Variants in UNC5D observed in about 807,000 individuals in gnomAD.
UNC5D encodes the protein netrin receptor UNC5D.
UNC5D carries 39 observed loss-of-function variants against 105.4 expected under a neutral mutation model. That is an observed-to-expected ratio of 0.37 (90% CI 0.29 to 0.48). UNC5D has a LOEUF of 0.48. Ranked by LOEUF, UNC5D falls within the 20% of genes least tolerant of loss-of-function variation. The pLI is 0.98. For synonymous variants in UNC5D, 452 were observed against 450.4 expected, an observed-to-expected ratio of 1.00 and a Z score of -0.04; for missense variants, 991 against 1,202.4, an observed-to-expected ratio of 0.82 and a Z score of 2.60.
chr8:35,785,152 G>A (rs1420110653), intron 16 of UNC5D, among the ~76,000 whole-genome samples: 3 of 151,970 alleles, frequency 2.0e-5, no homozygotes, highest in African/African-American at 7.3e-5. Flanking sequence ...TTCCCTGAAT[G>A]GTGTGTGCAT....
At chr8:35,461,496 T>C (rs1808891292) in intron 1 of UNC5D, among the ~76,000 whole-genome samples, 1 of 152,106 alleles carries the variant, frequency 6.6e-6, no homozygotes, top group Admixed American at 6.6e-5. Flanking sequence ...AAAAATCCAA[T>C]ATACAGGATC....
chr8:35,342,567 C>A (rs1427345510), intron 1 of UNC5D, among the ~76,000 whole-genome samples: 2 of 152,018 alleles, frequency 1.3e-5, no homozygotes. Context: ...GCCACATCAT[C>A]ATTTACTAAG....
chr8:35,273,415 C>T (rs940387168), intron 1 of UNC5D, among the ~76,000 whole-genome samples: 3 of 152,102 alleles, frequency 2.0e-5, no homozygotes, highest in African/African-American at 7.2e-5. Flanking sequence ...TACTGAAGGT[C>T]CTTGCCCCAA....
chr8:35,659,337 C>T (rs1430240228), intron 4 of UNC5D, among the ~76,000 whole-genome samples: 1 of 152,188 alleles, frequency 6.6e-6, no homozygotes, highest in Non-Finnish European at 1.5e-5. Flanking sequence ...GTGACCTCCT[C>T]TTCTCTTAGG....
intron 4 of UNC5D, among the ~76,000 whole-genome samples, chr8:35,642,229 C>A (rs1822792614): frequency 6.6e-6 from 1 of 152,136 alleles, no homozygotes; most frequent in Admixed American, 6.6e-5. Flanking sequence ...CTGCCTGTCA[C>A]CTCATTTTAT....
intron 1 of UNC5D, among the ~76,000 whole-genome samples, chr8:35,418,644 G>A (rs748608809): frequency 1.1e-4 from 16 of 152,254 alleles, no homozygotes; most frequent in South Asian, 2.1e-4. Context: ...AAGAAAAGGC[G>A]AGAATTAATT....
At chr8:35,283,690 G>A (rs926309618) in intron 1 of UNC5D, among the ~76,000 whole-genome samples, 1 of 152,068 alleles carries the variant, frequency 6.6e-6, no homozygotes, top group African/African-American at 2.4e-5. Flanking sequence ...TGTAATCCCA[G>A]CTACTTGGGA....
At chr8:35,284,366 A>G (rs1275795005) in intron 1 of UNC5D, among the ~76,000 whole-genome samples, 1 of 152,182 alleles carries the variant, frequency 6.6e-6, no homozygotes, top group Non-Finnish European at 1.5e-5. Context: ...TGACAAAAAT[A>G]TTACCTTCTT....
intron 3 of UNC5D, among the ~76,000 whole-genome samples, chr8:35,576,847 T>C (rs766682313): frequency 5.3e-5 from 8 of 152,154 alleles, no homozygotes; most frequent in Non-Finnish European, 7.4e-5. Context: ...TCTCCTGACC[T>C]CGTGATCCTC....
intron 1 of UNC5D, among the ~76,000 whole-genome samples, chr8:35,471,588 T>C (rs1160741664): frequency 1.3e-5 from 2 of 152,238 alleles, no homozygotes; most frequent in Non-Finnish European, 2.9e-5. Flanking sequence ...CATCTAAATT[T>C]TGCTATAGTG....
chr8:35,274,219 C>T (rs1050526285), intron 1 of UNC5D, among the ~76,000 whole-genome samples: 8 of 152,038 alleles, frequency 5.3e-5, no homozygotes, highest in South Asian at 4.1e-4. Context: ...GGTGTAAAGG[C>T]GAGTTTTTAA....
intron 8 of UNC5D, among the ~76,000 whole-genome samples, chr8:35,708,042 G>A (rs1417922146): frequency 6.6e-6 from 1 of 152,140 alleles, no homozygotes; most frequent in African/African-American, 2.4e-5. Context: ...TGAAAGAGGG[G>A]CTTAATGTGA....
intron 1 of UNC5D, among the ~76,000 whole-genome samples, chr8:35,341,451 T>G (rs568955734): frequency 1.3e-5 from 2 of 151,742 alleles, no homozygotes; most frequent in Non-Finnish European, 2.9e-5. Flanking sequence ...TTTTTTTTTT[T>G]CTGTTTTTTT....
At chr8:35,362,545 A>G (rs771281406) in intron 1 of UNC5D, among the ~76,000 whole-genome samples, 1 of 152,196 alleles carries the variant, frequency 6.6e-6, no homozygotes, top group Non-Finnish European at 1.5e-5. Flanking sequence ...CATTGTGACA[A>G]TTGAAATAAT....
chr8:35,580,113 A>G (rs1818378083), intron 3 of UNC5D, among the ~76,000 whole-genome samples: 1 of 152,170 alleles, frequency 6.6e-6, no homozygotes, highest in East Asian at 1.9e-4. Flanking sequence ...AAATTATTCC[A>G]TTAAGTAGGT....
At chr8:35,293,054 A>G (rs935323430) in intron 1 of UNC5D, among the ~76,000 whole-genome samples, 5 of 152,114 alleles carry the variant, frequency 3.3e-5, no homozygotes, top group African/African-American at 1.2e-4. Context: ...TAAGGAAAAT[A>G]AAATATATTT....
At position 35,725,106 on chromosome 8, in the gene UNC5D, GAA is replaced by G. The variant is rs538530141; in HGVS notation, c.1304-1042_1304-1041del. Reference sequence around the variant, plus strand: ...GGCGTTGCTGCAAATTATGAAAATGGAAAAACAATAGAGGCTAATACAATATG... The same window carrying G: ...GGCGTTGCTGCAAATTATGAAAATGGAAACAATAGAGGCTAATACAATATG... On this transcript the variant is annotated intron_variant, in intron 9 of 16. Transcript: ENST00000404895. Among the ~76,000 whole-genome samples, 772 of 152,230 alleles carry G rather than the reference GAA, an allele frequency of 5.1e-3. 2 individuals are homozygous for G. Among genetic ancestry groups the G allele is most frequent in the Non-Finnish European group, 9.1e-3 (620 of 68,016 alleles).
chr8:35,560,502 G>A (rs972026461), intron 2 of UNC5D, among the ~76,000 whole-genome samples: 1 of 152,138 alleles, frequency 6.6e-6, no homozygotes, highest in African/African-American at 2.4e-5. Flanking sequence ...ATGTGTATTT[G>A]TATGTATATC....
At chr8:35,538,961 T>A (rs578059815) in intron 1 of UNC5D, among the ~76,000 whole-genome samples, 22 of 152,270 alleles carry the variant, frequency 1.4e-4, no homozygotes, top group African/African-American at 5.1e-4. Flanking sequence ...ACTAAAGATA[T>A]AAATTTTGGT....
Sources: allele counts gnomAD v4.1 joint callset (sites outside exome capture counted in the v4.1 genomes callset), GRCh38; gene constraint gnomAD v4.1.1; transcripts MANE v1.5; gene names NCBI Gene and HGNC (gene_info 2026-07-23, HGNC 2026-07-21).